Variants in RNF24 observed in about 807,000 individuals in gnomAD.
RNF24 encodes ring finger protein 24.
A neutral mutation model predicts 20.0 loss-of-function variants in RNF24; 14 were observed. The ratio of observed to expected loss-of-function variants is 0.70; its 90% confidence interval spans 0.46 to 1.10. RNF24 has a LOEUF of 1.10. Ranked by LOEUF, RNF24 falls within the 50% of genes least tolerant of loss-of-function variation. The pLI is 0.00. For missense variants in RNF24, 124 were observed against 177.6 expected (o/e 0.70, Z 1.71); for synonymous variants, 45 against 61.1 (o/e 0.74, Z 1.23).
rs2146927537 is a variant in RNF24 at position 3,930,486 on chromosome 20, G to A, written c.*3577C>T. The A allele has an allele frequency of 6.6e-6, 1 of 152,360 alleles. No homozygotes were observed. Among genetic ancestry groups the A allele is most frequent in the Admixed American group, 6.5e-5 (1 of 15,292 alleles). The allele number at this position is 152,360 out of a possible 1,614,324, so 9.4% of individuals were successfully genotyped here. ...GGGCACCAGCTAACCCCCACAAGAG[G>A]TGCCAGGGACGTTACTACAATCCCT... On this transcript the variant is annotated 3_prime_UTR_variant, in exon 6 of 6. Coordinates refer to ENST00000358395, the MANE Select transcript of RNF24 (RefSeq NM_001134337.3).
At chr20:3,952,675 TATG>T (rs922163233) in intron 2 of RNF24, among the ~76,000 whole-genome samples, 1 of 151,772 alleles carries the variant, frequency 6.6e-6, no homozygotes, top group African/African-American at 2.4e-5. Flanking sequence ...CACTATTAAG[TATG>T]ATGTTTTCTT....
intron 1 of RNF24, among the ~76,000 whole-genome samples, chr20:4,012,340 C>G (rs1186019376): frequency 1.3e-5 from 2 of 151,642 alleles, no homozygotes; most frequent in East Asian, 3.9e-4. Flanking sequence ...TCACTTGAAC[C>G]TGGGAGACGG....
intron 1 of RNF24, among the ~76,000 whole-genome samples, chr20:3,988,465 T>C (rs1980126448): frequency 6.7e-6 from 1 of 149,068 alleles, no homozygotes; most frequent in African/African-American, 2.5e-5. Context: ...CTCTTTTTTT[T>C]TTTTTTTTTT....
chr20:3,966,790 A>G (rs1346287952), intron 1 of RNF24, among the ~76,000 whole-genome samples: 1 of 152,182 alleles, frequency 6.6e-6, no homozygotes, highest in Non-Finnish European at 1.5e-5. Flanking sequence ...AATTGGTACA[A>G]TTCTTGTAGC....
chr20:4,008,344 TAC>T (rs1403444579), intron 1 of RNF24, among the ~76,000 whole-genome samples: 10 of 89,952 alleles, frequency 1.1e-4, no homozygotes, highest in African/African-American at 3.9e-4. Flanking sequence ...ATATATATTA[TAC>T]ATGTAATATG....
At chr20:3,969,922 C>A (rs1020374648) in intron 1 of RNF24, among the ~76,000 whole-genome samples, 2 of 152,082 alleles carry the variant, frequency 1.3e-5, no homozygotes, top group Admixed American at 6.6e-5. Flanking sequence ...AGGCGCCCAC[C>A]ACCATGCCCA....
Position 3,930,085 on chromosome 20 carries a change from C to G in RNF24, c.*3978G>C, listed in dbSNP as rs1252268363. On this transcript the variant is annotated 3_prime_UTR_variant, in exon 6 of 6. Coordinates refer to ENST00000358395, the MANE Select transcript of RNF24 (RefSeq NM_001134337.3). ...GCATAAATGATCTCTGGAAGGATAC[C>G]CAAGGAACAAACCAATAGTAGGTAT... 2 of 152,078 alleles carry G rather than the reference C, an allele frequency of 1.3e-5. No homozygotes were observed. Among genetic ancestry groups the G allele is most frequent in the African/African-American group, 4.8e-5 (2 of 41,394 alleles). The allele number at this position is 152,078 out of a possible 1,614,324, so 9.4% of individuals were successfully genotyped here.
At chr20:3,978,185 G>A (rs1218153925) in intron 1 of RNF24, among the ~76,000 whole-genome samples, 1 of 150,796 alleles carries the variant, frequency 6.6e-6, no homozygotes, top group Non-Finnish European at 1.5e-5. Flanking sequence ...TTACAGGTGT[G>A]TGCCACCATA....
Position 3,934,067 on chromosome 20 carries a change from A to G in RNF24, c.443T>C (p.Val148Ala). The change falls in exon 6 of 6, where the codon GTA becomes GCA. Residue 148 changes from valine (V) to alanine (A), a missense_variant. Val to Ala is a moderately conservative substitution (Grantham distance 64). Coordinates refer to ENST00000358395, the MANE Select transcript of RNF24 (RefSeq NM_001134337.3). This position sits in a 1 kb window ranked among gnomAD's most constrained non-coding sequence, Gnocchi z 4.0. ...QGPLPGAENI[V>A] ...CAGTCTGATCCTTGCGGTAAGCTAT[A>G]CAATGTTCTCTGCCCCAGGAAGGGG... 6.7e-7 allele frequency: 1 copy of G among 1,495,878 alleles called. No homozygotes were observed. The allele number at this position is 1,495,878 out of a possible 1,614,324, so 92.7% of individuals were successfully genotyped here. A position where few individuals can be genotyped will look rare whatever the true frequency, so the allele number is the denominator to read the frequency against.
intron 1 of RNF24, among the ~76,000 whole-genome samples, chr20:3,994,891 G>A (rs918208610): frequency 6.6e-6 from 1 of 152,188 alleles, no homozygotes; most frequent in Admixed American, 6.5e-5. Context: ...AAATAAAGAA[G>A]TTTAGTAAAC....
intron 1 of RNF24, among the ~76,000 whole-genome samples, chr20:4,008,224 G>T (rs1982035832): frequency 7.0e-6 from 1 of 142,566 alleles, no homozygotes; most frequent in African/African-American, 2.6e-5. Context: ...TAGGAAACCT[G>T]CTGGAGGTCA....
intron 1 of RNF24, among the ~76,000 whole-genome samples, chr20:3,995,143 T>G (rs1202838869): frequency 6.6e-6 from 1 of 152,228 alleles, no homozygotes; most frequent in East Asian, 1.9e-4. Flanking sequence ...CCACGGGGAC[T>G]TGTAGGCAAG....
intron 1 of RNF24, among the ~76,000 whole-genome samples, chr20:4,002,906 A>C (rs1981531813): frequency 6.6e-6 from 1 of 152,140 alleles, no homozygotes; most frequent in African/African-American, 2.4e-5. Flanking sequence ...AATAGAGAAA[A>C]TGAAGACACA....
intron 1 of RNF24, among the ~76,000 whole-genome samples, chr20:3,980,240 G>A (rs1049451948): frequency 1.3e-5 from 2 of 152,194 alleles, no homozygotes; most frequent in African/African-American, 4.8e-5. Flanking sequence ...AGTGGAACTC[G>A]CTAAACTTGC....
Position 3,933,448 on chromosome 20 carries a change from G to T in RNF24, c.*615C>A. The T allele has an allele frequency of 5.7e-6, 2 of 348,454 alleles. No individual in the cohort carries two copies. The highest frequency in any genetic ancestry group is 5.1e-6 in the Non-Finnish European group (1 of 195,118). 21.6% of individuals were successfully genotyped at this position (348,454 alleles called of 1,614,324 possible). A position where few individuals can be genotyped will look rare whatever the true frequency, so the allele number is the denominator to read the frequency against. ...GGCTTCTGACTAGGCCTTTCCAAGC[G>T]CATCTCATGTTTTCAGCTTAGATGA... On this transcript the variant is annotated 3_prime_UTR_variant, in exon 6 of 6. Coordinates refer to ENST00000358395, the MANE Select transcript of RNF24 (RefSeq NM_001134337.3).
At chr20:3,967,398 C>A (rs2091269334) in intron 1 of RNF24, among the ~76,000 whole-genome samples, 1 of 151,858 alleles carries the variant, frequency 6.6e-6, no homozygotes, top group Non-Finnish European at 1.5e-5. Flanking sequence ...AATCTCTAGC[C>A]TCAGCCTAAA....
intron 1 of RNF24, among the ~76,000 whole-genome samples, chr20:3,974,790 G>T (rs1978719279): frequency 6.6e-6 from 1 of 152,126 alleles, no homozygotes. Flanking sequence ...GACATACTAT[G>T]TTCATGGATT....
At chr20:3,974,332 C>T (rs1978667741) in intron 1 of RNF24, 66 of 1,550,324 alleles carry the variant, frequency 4.3e-5, no homozygotes, top group Non-Finnish European at 5.7e-5. Flanking sequence ...GAATACTTAC[C>T]CCCCTAAGAC....
At chr20:4,010,697 T>TA (rs997373280) in intron 1 of RNF24, among the ~76,000 whole-genome samples, 3 of 152,156 alleles carry the variant, frequency 2.0e-5, no homozygotes, top group Admixed American at 6.5e-5. Context: ...CATTTAAAAG[T>TA]AAAAAAACTT....
Sources: allele counts gnomAD v4.1 joint callset (sites outside exome capture counted in the v4.1 genomes callset), GRCh38; gene constraint gnomAD v4.1.1; non-coding constraint Gnocchi (gnomAD v3.1); transcripts MANE v1.5; gene names NCBI Gene and HGNC (gene_info 2026-07-23, HGNC 2026-07-21).